Variants in DCC observed in about 807,000 individuals in gnomAD.
DCC encodes the protein DCC netrin 1 receptor, also known as netrin receptor DCC.
DCC carries 58 observed loss-of-function variants against 172.5 expected under a neutral mutation model. The ratio of observed to expected loss-of-function variants is 0.34; its 90% confidence interval spans 0.27 to 0.42. The LOEUF (loss-of-function observed/expected upper bound fraction) is 0.42. DCC is among the 10% of genes least tolerant of loss of function. DCC has a pLI of 1.00. For synonymous variants in DCC, 709 were observed against 644.5 expected, an observed-to-expected ratio of 1.10 and a Z score of -1.52; for missense variants, 1,740 against 1,791.0, an observed-to-expected ratio of 0.97 and a Z score of 0.51.
At chr18:52,547,601 G>C (rs1226586620) in intron 1 of DCC, among the ~76,000 whole-genome samples, 1 of 152,062 alleles carries the variant, frequency 6.6e-6, no homozygotes, top group Non-Finnish European at 1.5e-5. Context: ...ACATTTGAAA[G>C]ACCAGTGAAC....
At chr18:52,749,065 T>A (rs978628923) in intron 1 of DCC, among the ~76,000 whole-genome samples, 1 of 152,050 alleles carries the variant, frequency 6.6e-6, no homozygotes, top group Admixed American at 6.5e-5. Flanking sequence ...CCAGGTGTGG[T>A]GGCGCATGCC....
intron 15 of DCC, among the ~76,000 whole-genome samples, chr18:53,357,566 A>G (rs1167560633): frequency 1.3e-5 from 2 of 152,232 alleles, no homozygotes; most frequent in African/African-American, 4.8e-5. Context: ...ATTTTGAAAC[A>G]AAGTGCATCA....
chr18:53,297,003 C>T lies in DCC; in HGVS notation c.1912-8575C>T, dbSNP rs192381619. ...ACGAGGATCAAAATGGGTTTGTCTT[C>T]ACCTGAAGGTCACTCTGGAGAGAGT... On this transcript the variant is annotated intron_variant, in intron 12 of 28. Transcript: ENST00000442544. Among the ~76,000 whole-genome samples the T allele has an allele frequency of 5.4e-3, 819 of 152,292 alleles. 6 individuals are homozygous for T. The highest frequency in any genetic ancestry group is 0.023 in the Admixed American group (348 of 15,286).
intron 2 of DCC, among the ~76,000 whole-genome samples, chr18:52,775,342 GCTCT>G (rs2037411221): frequency 6.6e-6 from 1 of 152,188 alleles, no homozygotes; most frequent in African/African-American, 2.4e-5. Context: ...GATACAGGGT[GCTCT>G]CTTAGTTTGC....
chr18:52,409,116 C>T (rs1986755680), intron 1 of DCC: 1 of 152,112 alleles, frequency 6.6e-6, no homozygotes. Flanking sequence ...GGAAAAAAAG[C>T]AGCTGACTTA....
chr18:53,506,600 G>A (rs192046066), intron 27 of DCC, among the ~76,000 whole-genome samples: 85 of 152,196 alleles, frequency 5.6e-4, no homozygotes, highest in African/African-American at 1.9e-3. Context: ...GCTCACACCC[G>A]TAATCCTAGC....
At chr18:53,232,404 G>A (rs1281562753) in intron 12 of DCC, among the ~76,000 whole-genome samples, 1 of 152,090 alleles carries the variant, frequency 6.6e-6, no homozygotes, top group Admixed American at 6.6e-5. Context: ...GATGTTGTGG[G>A]TGGTCACATT....
chr18:52,465,101 A>G (rs1181611554), intron 1 of DCC, among the ~76,000 whole-genome samples: 2 of 152,128 alleles, frequency 1.3e-5, no homozygotes, highest in Non-Finnish European at 2.9e-5. Context: ...CTCTAAATTA[A>G]CTAGGGAAGT....
chr18:52,778,363 G>T (rs1253835105), intron 2 of DCC, among the ~76,000 whole-genome samples: 1 of 152,068 alleles, frequency 6.6e-6, no homozygotes, highest in Non-Finnish European at 1.5e-5. Context: ...TTAATAAATA[G>T]AATTTTTTAA....
intron 27 of DCC, among the ~76,000 whole-genome samples, chr18:53,518,735 C>T (rs2046367160): frequency 6.6e-6 from 1 of 152,250 alleles, no homozygotes; most frequent in East Asian, 1.9e-4. Flanking sequence ...CAACAGCCAG[C>T]GTTCCACCAA....
intron 3 of DCC, among the ~76,000 whole-genome samples, chr18:52,908,993 A>G (rs1353824376): frequency 6.6e-6 from 1 of 152,132 alleles, no homozygotes; most frequent in Non-Finnish European, 1.5e-5. Context: ...GAACCTGCTA[A>G]AGGAGAATGC....
chr18:53,351,314 T>TAC (rs1555656747), intron 15 of DCC, among the ~76,000 whole-genome samples: 17 of 18,240 alleles, frequency 9.3e-4, no homozygotes, highest in South Asian at 8.9e-3. Flanking sequence ...TATATATATA[T>TAC]ACACTGTATA....
intron 15 of DCC, among the ~76,000 whole-genome samples, chr18:53,342,417 C>A (rs1408911630): frequency 6.6e-6 from 1 of 151,758 alleles, no homozygotes; most frequent in African/African-American, 2.4e-5. Flanking sequence ...TAATTTGAAA[C>A]CAAACCACTT....
chr18:52,972,051 C>G (rs2041038665), intron 5 of DCC, among the ~76,000 whole-genome samples: 1 of 152,114 alleles, frequency 6.6e-6, no homozygotes, highest in African/African-American at 2.4e-5. Flanking sequence ...TGTAACCTCT[C>G]TCAAAATGAT....
chr18:53,318,752 G>GTT (rs57810228), intron 13 of DCC, among the ~76,000 whole-genome samples: 6 of 132,156 alleles, frequency 4.5e-5, no homozygotes, highest in East Asian at 2.3e-4. Flanking sequence ...TCTTCGTTGG[G>GTT]TTTTTTTTTT....
At chr18:52,591,986 G>A (rs944830150) in intron 1 of DCC, among the ~76,000 whole-genome samples, 3 of 152,002 alleles carry the variant, frequency 2.0e-5, no homozygotes, top group South Asian at 4.2e-4. Flanking sequence ...AGGCAGTTCT[G>A]TAGTCACTGG....
chr18:52,508,411 A>G (rs2031314671), intron 1 of DCC, among the ~76,000 whole-genome samples: 1 of 152,344 alleles, frequency 6.6e-6, no homozygotes, highest in Middle Eastern at 3.4e-3. Flanking sequence ...AATTCTTTCT[A>G]TAGATACATA....
At chr18:53,504,000 C>G (rs1015754604) in intron 27 of DCC, among the ~76,000 whole-genome samples, 1 of 152,116 alleles carries the variant, frequency 6.6e-6, no homozygotes, top group South Asian at 2.1e-4. Flanking sequence ...TGATTTTCCC[C>G]GTGCAAATTG....
At chr18:52,853,463 G>T (rs1370471903) in intron 2 of DCC, among the ~76,000 whole-genome samples, 2 of 152,090 alleles carry the variant, frequency 1.3e-5, no homozygotes, top group Non-Finnish European at 2.9e-5. Flanking sequence ...TTTATGAAAC[G>T]GTACACTTTT....
Sources: gnomAD v4.1 joint callset for allele counts (sites outside exome capture counted in the v4.1 genomes callset) on GRCh38, gnomAD v4.1.1 for gene constraint, MANE v1.5 for transcripts, NCBI Gene and HGNC (gene_info 2026-07-23, HGNC 2026-07-21) for gene names.